The following METTL8 variants were observed in gnomAD, a reference collection of about 807,000 sequenced individuals.
METTL8 encodes the protein tRNA N(3)-cytidine methyltransferase METTL8, mitochondrial.
A neutral mutation model predicts 48.7 loss-of-function variants in METTL8; 32 were observed. The ratio of observed to expected loss-of-function variants is 0.66; its 90% CI spans 0.50 to 0.88. The LOEUF (loss-of-function observed/expected upper bound fraction) is 0.88, where lower values mean the gene tolerates loss of function less well. Ranked by LOEUF, METTL8 falls within the 40% of genes least tolerant of loss-of-function variation. The pLI is 0.00. For synonymous variants in METTL8, 136 were observed against 157.1 expected (o/e 0.87, Z 1.01); for missense variants, 464 against 474.4 (o/e 0.98, Z 0.20).
At chr2:171,384,169 A>T (rs1687827596) in intron 2 of METTL8, among the ~76,000 whole-genome samples, 1 of 152,242 alleles carries the variant, frequency 6.6e-6, no homozygotes, top group Non-Finnish European at 1.5e-5. Context: ...AAGTGAAAGA[A>T]GTCAGACATA....
intron 6 of METTL8, 46 bp from the exon 7 acceptor site, chr2:171,330,744 T>A: frequency 6.7e-7 from 1 of 1,494,102 alleles, no homozygotes; most frequent in Non-Finnish European, 9.0e-7. Context: ...CTTAGTAGAC[T>A]TCCGGGATTT....
intron 2 of METTL8, among the ~76,000 whole-genome samples, chr2:171,374,241 G>T (rs1686702818): frequency 6.6e-6 from 1 of 152,044 alleles, no homozygotes; most frequent in Non-Finnish European, 1.5e-5. Context: ...TCATGATTTG[G>T]CTCTCTGTTT....
At position 171,360,410 on chromosome 2, in the gene METTL8, G is replaced by A. The variant is rs1275977809; in HGVS notation, c.235+12C>T. Reference sequence around the variant, plus strand: ...GCTCTGGCTCTAGGAGCTACAGCACGCAGTTGACTACCTTGCTCTTCCAGA... The same window carrying A: ...GCTCTGGCTCTAGGAGCTACAGCACACAGTTGACTACCTTGCTCTTCCAGA... On this transcript the variant is annotated intron_variant, in intron 3 of 9. Transcript: ENST00000375258. The A allele has an allele frequency of 6.8e-6, 11 of 1,610,368 alleles. No homozygotes were observed. Among genetic ancestry groups the A allele is most frequent in the South Asian group, 1.1e-5 (1 of 90,858 alleles).
At chr2:171,376,328 C>G (rs1426347939) in intron 2 of METTL8, among the ~76,000 whole-genome samples, 6 of 152,110 alleles carry the variant, frequency 3.9e-5, no homozygotes, top group African/African-American at 1.4e-4. Flanking sequence ...GAATCTCTTC[C>G]TATCCTGAGT....
intron 3 of METTL8, among the ~76,000 whole-genome samples, chr2:171,347,823 G>A (rs1030488838): frequency 6.6e-6 from 1 of 152,138 alleles, no homozygotes; most frequent in Admixed American, 6.6e-5. Flanking sequence ...ATGCACCCTC[G>A]AATCCAACCC....
At chr2:171,365,260 C>T (rs1038952885) in intron 2 of METTL8, among the ~76,000 whole-genome samples, 4 of 152,242 alleles carry the variant, frequency 2.6e-5, no homozygotes, top group Non-Finnish European at 4.4e-5. Flanking sequence ...CTGAAACCCA[C>T]TCCCACTCAT....
rs1372196948 is a variant in METTL8 at position 171,320,108 on chromosome 2, A to G, written c.*4064T>C. The G allele has an allele frequency of 6.6e-6, 1 of 152,156 alleles. No homozygotes were observed. Among genetic ancestry groups the G allele is most frequent in the Non-Finnish European group, 1.5e-5 (1 of 68,032 alleles). 9.4% of individuals were successfully genotyped at this position (152,156 alleles called of 1,614,324 possible). ...CTTCATGATTTCTTAACATCTATAGACAAAATTCCAAATAGGTCTTTCCCT... is the reference window on the plus strand; with the variant it reads ...CTTCATGATTTCTTAACATCTATAGGCAAAATTCCAAATAGGTCTTTCCCT... On this transcript the variant is annotated 3_prime_UTR_variant, in exon 10 of 10. Coordinates refer to ENST00000375258, the MANE Select transcript of METTL8 (RefSeq NM_001321154.2).
At chr2:171,433,280 G>A (rs971956482) in intron 1 of METTL8, 1 of 150,544 alleles carries the variant, frequency 6.6e-6, no homozygotes, top group African/African-American at 2.4e-5. Flanking sequence ...CAGTAGCCCC[G>A]GTAGGAAATT....
At chr2:171,377,668 A>G (rs983799933) in intron 2 of METTL8, among the ~76,000 whole-genome samples, 1 of 152,246 alleles carries the variant, frequency 6.6e-6, no homozygotes, top group African/African-American at 2.4e-5. Context: ...AGGAAATGCA[A>G]ATGAAAACCA....
chr2:171,404,103 T>C (rs1286451301), intron 1 of METTL8, among the ~76,000 whole-genome samples: 1 of 64,518 alleles, frequency 1.5e-5, no homozygotes, highest in African/African-American at 6.3e-5. Flanking sequence ...ATATATATGA[T>C]AGTTTAACTT....
In METTL8 at chr2:171,317,609, GT is replaced by G. The variant is rs1341587066; in HGVS notation, c.*6562del. 1 of 152,190 alleles carries G rather than the reference GT, an allele frequency of 6.6e-6. No individual in the cohort carries two copies. Among genetic ancestry groups the G allele is most frequent in the East Asian group, 1.9e-4 (1 of 5,200 alleles). The allele number at this position is 152,190 out of a possible 1,614,324, so 9.4% of individuals were successfully genotyped here. A position where few individuals can be genotyped will look rare whatever the true frequency, so the allele number is the denominator to read the frequency against. On this transcript the variant is annotated 3_prime_UTR_variant, in exon 10 of 10. Transcript: ENST00000375258. Reference sequence around the variant, plus strand: ...AGTATTGCTTTTTTTCCCTCTTTATGTAACGTTAACGTGTATTTATTCATTC... The same window carrying G: ...AGTATTGCTTTTTTTCCCTCTTTATGAACGTTAACGTGTATTTATTCATTC...
intron 2 of METTL8, among the ~76,000 whole-genome samples, chr2:171,365,406 TC>T (rs1311538119): frequency 9.2e-5 from 14 of 152,252 alleles, no homozygotes; most frequent in Admixed American, 7.8e-4. Flanking sequence ...CTCTTCCTCA[TC>T]CGTTCCTACC....
chr2:171,330,399 C>T (rs563460854), intron 7 of METTL8, among the ~76,000 whole-genome samples, 160 bp downstream of exon 7: 3 of 152,002 alleles, frequency 2.0e-5, no homozygotes, highest in Non-Finnish European at 4.4e-5. Context: ...TCTAAAAGTA[C>T]GAAGAAAGGA....
At position 171,392,039 on chromosome 2, in the gene METTL8, TCAC is replaced by T. The variant is rs1254334861; in HGVS notation, c.143+1_143+3del. 18 of 1,545,374 alleles carry T rather than the reference TCAC, an allele frequency of 1.2e-5. No individual in the cohort carries two copies. The highest frequency in any genetic ancestry group is 1.6e-5 in the Non-Finnish European group (18 of 1,145,546). On this transcript the variant is annotated splice_donor_variant and splice_donor_region_variant and intron_variant, in intron 2 of 9. Coordinates refer to ENST00000375258, the MANE Select transcript of METTL8 (RefSeq NM_001321154.2). LOFTEE classifies it high-confidence loss of function. Reference sequence around the variant, plus strand: ...ATAATATCAGATTTAAAAAGAAAACTCACCACATGTTGTGTTCAAAAACTTTGG... The same window carrying T: ...ATAATATCAGATTTAAAAAGAAAACTCACATGTTGTGTTCAAAAACTTTGG...
intron 1 of METTL8, among the ~76,000 whole-genome samples, chr2:171,419,837 G>C (rs1324192893): frequency 6.6e-6 from 1 of 151,792 alleles, no homozygotes; most frequent in African/African-American, 2.4e-5. Context: ...TATAGTCTCA[G>C]ACAAAATAGT....
rs763783959 is a variant in METTL8 at position 171,324,191 on chromosome 2, G to T, written c.1205C>A (p.Thr402Lys). 1.5e-5 allele frequency: 24 copies of T among 1,549,688 alleles called. 1 individual carries two copies. The highest frequency in any genetic ancestry group is 2.1e-4 in the Middle Eastern group (1 of 4,810). ...QTQNSSNMVSTLLSQD is the reference protein window; with the variant it reads ...QTQNSSNMVSKLLSQD ...CAAAGTTCAGTCTTGTGAAAGGAGT[G>T]TAGATACCATATTGGAGCTATTCTG... The change falls in exon 10 of 10, where the codon ACA becomes AAA. Residue 402 changes from threonine (T) to lysine (K), a missense_variant. Thr to Lys is a moderately conservative substitution (Grantham distance 78, BLOSUM62 -1). Transcript: ENST00000375258.
At position 171,342,723 on chromosome 2, in the gene METTL8, T is replaced by C. The variant is rs543255928; in HGVS notation, c.236-3169A>G. ...TTATATTTAGTGAAATCTCTAGTATTTGAGTTTACAATATCAAGCTACTTG... is the reference window on the plus strand; with the variant it reads ...TTATATTTAGTGAAATCTCTAGTATCTGAGTTTACAATATCAAGCTACTTG... On this transcript the variant is annotated intron_variant, in intron 3 of 9. Transcript: ENST00000375258. Among the ~76,000 whole-genome samples, 6 of 152,336 alleles carry C rather than the reference T, an allele frequency of 3.9e-5. No individual in the cohort carries two copies. In the South Asian group the frequency reaches 1.2e-3, roughly 32 times the overall value.
chr2:171,341,996 C>A (rs899693300), intron 3 of METTL8, among the ~76,000 whole-genome samples: 7 of 152,004 alleles, frequency 4.6e-5, no homozygotes, highest in African/African-American at 1.7e-4. Context: ...AATTTTGATC[C>A]ATGTGAATTT....
At chr2:171,340,565 TAATA>T (rs1291979964) in intron 3 of METTL8, among the ~76,000 whole-genome samples, 3 of 149,818 alleles carry the variant, frequency 2.0e-5, no homozygotes, top group Admixed American at 1.3e-4. Flanking sequence ...TCTCAAAAAT[TAATA>T]AATAAACAAA....
Sources: allele counts gnomAD v4.1 joint callset (sites outside exome capture counted in the v4.1 genomes callset), GRCh38; gene constraint gnomAD v4.1.1; transcripts MANE v1.5; gene names NCBI Gene and HGNC (gene_info 2026-07-23, HGNC 2026-07-21).